The following ZFP62 variants were observed in gnomAD, a reference collection of about 807,000 sequenced individuals.
ZFP62 encodes the protein ZFP62 zinc finger protein.
Under a neutral mutation model 56.4 loss-of-function variants are expected in ZFP62, and 44 were observed. The observed-to-expected ratio is 0.78, with a 90% CI of 0.61 to 1.00. The LOEUF is 1.00. Ranked by LOEUF, ZFP62 falls within the 50% of genes least tolerant of loss-of-function variation. The pLI, the probability that ZFP62 is intolerant of heterozygous loss-of-function variation, is 0.00. For missense variants in ZFP62, 1,030 were observed against 1,085.7 expected (o/e 0.95, Z 0.72); for synonymous variants, 421 against 388.9 (o/e 1.08, Z -0.97).
chr5:180,857,777 G>A (rs1339427725), intron 1 of ZFP62, among the ~76,000 whole-genome samples: 3 of 147,276 alleles, frequency 2.0e-5, no homozygotes, highest in South Asian at 2.2e-4. Flanking sequence ...GATTACAGGC[G>A]TGAACCACCG....
At chr5:180,843,856 A>G (rs113804486), downstream of ZFP62, among the ~76,000 whole-genome samples, 6,128 of 152,362 alleles carry the variant, frequency 0.04, 171 homozygotes, top group South Asian at 0.091. Flanking sequence ...GGTTAAACAC[A>G]TGCTGGGCCA....
At chr5:180,830,787 G>A in the ZFP62 span, 1 of 152,044 alleles carries the variant, frequency 6.6e-6, no homozygotes, top group Non-Finnish European at 1.5e-5. Context: ...CCACAGGGAA[G>A]AGGGTCCCGC....
rs1773625074 is a variant in ZFP62 at position 180,850,308 on chromosome 5, T to C, written c.1187A>G (p.Asp396Gly). Residue 396 changes from aspartate (D) to glycine (G), a missense_variant, in exon 2 of 2, where the codon GAT (aspartate) becomes GGT (glycine). Physicochemically the swap from Asp to Gly is moderately conservative, Grantham distance 94. Transcript: ENST00000502412. ...IHTGEKPYKCDVCGKAFSYSS... is the reference protein window; with the variant it reads ...IHTGEKPYKCGVCGKAFSYSS... Reference sequence around the variant, plus strand: ...ATAGCTGAATGCTTTGCCACAGACATCACACTTGTAAGGTTTCTCTCCTGT... The same window carrying C: ...ATAGCTGAATGCTTTGCCACAGACACCACACTTGTAAGGTTTCTCTCCTGT... 7 of 1,566,438 alleles carry C rather than the reference T, an allele frequency of 4.5e-6. No homozygotes were observed. The highest frequency in any genetic ancestry group is 6.1e-6 in the Non-Finnish European group (7 of 1,155,604).
the ZFP62 span, among the ~76,000 whole-genome samples, chr5:180,841,971 G>C: frequency 2.0e-5 from 3 of 152,154 alleles, no homozygotes; most frequent in Non-Finnish European, 4.4e-5. Context: ...GCTTGAACCT[G>C]GAAGGCAGAG....
At chr5:180,838,166 T>C in the ZFP62 span, among the ~76,000 whole-genome samples, 2 of 152,008 alleles carry the variant, frequency 1.3e-5, no homozygotes, top group Admixed American at 1.3e-4. Flanking sequence ...TGGGATTCTG[T>C]TGTGGGGGGA....
At chr5:180,834,961 C>A in the ZFP62 span, 1 of 152,194 alleles carries the variant, frequency 6.6e-6, no homozygotes, top group Non-Finnish European at 1.5e-5. Context: ...CCATGTAAGA[C>A]TACCACACAA....
At chr5:180,845,878 C>T (rs1412894226), downstream of ZFP62, 1 of 985,454 alleles carries the variant, frequency 1.0e-6, no homozygotes, top group Non-Finnish European at 1.2e-6. Flanking sequence ...TCTTCATACA[C>T]AAAACATGAA....
Position 180,850,153 on chromosome 5 carries a change from G to C in ZFP62, c.1342C>G (p.Pro448Ala). ...QHRTIHTGERPYVCDVCGKTF... is the reference protein window; with the variant it reads ...QHRTIHTGERAYVCDVCGKTF... ...TTCCCACACACATCACATACATAAGGTCTCTCTCCGGTATGAATAGTTCTG... is the reference window on the plus strand; with the variant it reads ...TTCCCACACACATCACATACATAAGCTCTCTCTCCGGTATGAATAGTTCTG... The change falls in exon 2 of 2, where the codon CCT (proline) becomes GCT (alanine). Residue 448 changes from proline to alanine, a missense_variant. Transcript: ENST00000502412. 1.3e-6 allele frequency: 2 copies of C among 1,551,758 alleles called. No homozygotes were observed. Among genetic ancestry groups the C allele is most frequent in the South Asian group, 1.2e-5 (1 of 84,068 alleles).
In ZFP62 at chr5:180,849,036, G is replaced by T; in HGVS notation, c.2459C>A (p.Ser820Tyr). The T allele has an allele frequency of 6.4e-7, 1 of 1,552,158 alleles. No individual in the cohort carries two copies. The highest frequency in any genetic ancestry group is 8.7e-7 in the Non-Finnish European group (1 of 1,147,100). ...KQPYNCECGK[S>Y]FNYRSVLDQH... ...GTCAAGGACTGATCTATAATTGAAG[G>T]ATTTCCCACACTCACAATTATAGGG... Residue 820 changes from serine (S) to tyrosine (Y), a missense_variant, in exon 2 of 2, where the codon TCC (serine) becomes TAC (tyrosine). Coordinates refer to ENST00000502412, the MANE Select transcript of ZFP62 (RefSeq NM_001172638.2).
intron 1 of ZFP62, among the ~76,000 whole-genome samples, chr5:180,852,272 T>C (rs1209955878): frequency 6.6e-6 from 1 of 152,004 alleles, no homozygotes; most frequent in African/African-American, 2.4e-5. Context: ...AAAGATAAAA[T>C]TAAGGCTGGG....
chr5:180,855,877 T>C (rs1429634105), intron 1 of ZFP62, among the ~76,000 whole-genome samples: 3 of 152,210 alleles, frequency 2.0e-5, no homozygotes, highest in Admixed American at 6.5e-5. Flanking sequence ...GAAGAATTTT[T>C]GTAAAATGCA....
downstream of ZFP62, among the ~76,000 whole-genome samples, chr5:180,846,031 C>T (rs942263541): frequency 3.9e-5 from 6 of 152,070 alleles, no homozygotes; most frequent in African/African-American, 1.2e-4. Flanking sequence ...TTATTTTTCC[C>T]ACTTGCATAT....
chr5:180,853,784 G>A (rs1000532215), intron 1 of ZFP62, among the ~76,000 whole-genome samples: 4 of 152,188 alleles, frequency 2.6e-5, no homozygotes, highest in African/African-American at 9.7e-5. Context: ...TTTCTGTAGA[G>A]GTATGAACAA....
chr5:180,851,241 T>C lies in ZFP62; in HGVS notation c.254A>G (p.Gln85Arg), dbSNP rs1342228470. The C allele has an allele frequency of 6.4e-7, 1 of 1,551,688 alleles. No homozygotes were observed. Among genetic ancestry groups the C allele is most frequent in the South Asian group, 1.2e-5 (1 of 84,066 alleles). The change falls in exon 2 of 2, where the codon CAG (glutamine) becomes CGG (arginine). Residue 85 changes from glutamine (Q) to arginine (R), a missense_variant. Transcript: ENST00000502412. ...GCTCTTCTCAGATGCCTCACCTTCC[T>C]GTTCTGTCTTTATATTTGCTGTACT... ...AKSTANIKTE[Q>R]EGEASEKSLH...
chr5:180,843,630 T>C (rs976904186), downstream of ZFP62, among the ~76,000 whole-genome samples: 24 of 152,252 alleles, frequency 1.6e-4, no homozygotes, highest in African/African-American at 5.3e-4. Context: ...AACAATTTTA[T>C]ATTTGTGTGG....
In ZFP62 at chr5:180,849,942, G is replaced by A; in HGVS notation, c.1553C>T (p.Ser518Phe). The A allele has an allele frequency of 5.2e-6, 8 of 1,551,614 alleles. No homozygotes were observed. The highest frequency in any genetic ancestry group is 7.0e-6 in the Non-Finnish European group (8 of 1,146,984). The change falls in exon 2 of 2, where the codon TCT (serine) becomes TTT (phenylalanine). Residue 518 changes from serine to phenylalanine, a missense_variant. Transcript: ENST00000502412. ...AATCCTTTTATGCTGTTCAAGGGCAGAGCTGTAGTTGAAGGATTTCTCACA... is the reference window on the plus strand; with the variant it reads ...AATCCTTTTATGCTGTTCAAGGGCAAAGCTGTAGTTGAAGGATTTCTCACA... ...SYCEKSFNYS[S>F]ALEQHKRIHT... is the part of the protein sequence containing the mutation.
chr5:180,856,039 A>G (rs1219767116), intron 1 of ZFP62, among the ~76,000 whole-genome samples: 1 of 152,154 alleles, frequency 6.6e-6, no homozygotes, highest in South Asian at 2.1e-4. Context: ...TTCTTTGACA[A>G]GTGGATTATT....
downstream of ZFP62, among the ~76,000 whole-genome samples, chr5:180,846,028 T>TC (rs1401207872): frequency 3.3e-5 from 5 of 152,212 alleles, no homozygotes; most frequent in African/African-American, 1.2e-4. Context: ...CCTTTATTTT[T>TC]CCCACTTGCA....
chr5:180,846,061 G>C (rs1157665014), downstream of ZFP62, among the ~76,000 whole-genome samples: 1 of 152,250 alleles, frequency 6.6e-6, no homozygotes, highest in South Asian at 2.1e-4. Flanking sequence ...GAAGGAACCG[G>C]GGGTGGTGCC....
Sources: gnomAD v4.1 joint callset for allele counts (sites outside exome capture counted in the v4.1 genomes callset) on GRCh38, gnomAD v4.1.1 for gene constraint, MANE v1.5 for transcripts, NCBI Gene and HGNC (gene_info 2026-07-23, HGNC 2026-07-21) for gene names.